Variants in PVALB observed in about 807,000 individuals in gnomAD.
The protein encoded by PVALB is parvalbumin.
In PVALB, 11 loss-of-function variants were observed where a neutral mutation model predicts 10.9. The observed-to-expected ratio is 1.01, with a 90% CI of 0.63 to 1.67. The LOEUF is 1.67. PVALB is among the 40% of genes most tolerant of loss of function. PVALB has a pLI of 0.00. For synonymous variants in PVALB, 57 were observed against 50.7 expected, an observed-to-expected ratio of 1.12 and a Z score of -0.53; for missense variants, 131 against 136.2, an observed-to-expected ratio of 0.96 and a Z score of 0.19.
intron 2 of PVALB, 50 bp from the exon 3 acceptor site, chr22:36,813,805 C>T: frequency 7.1e-7 from 1 of 1,400,762 alleles, no homozygotes; most frequent in Non-Finnish European, 1.0e-6. Flanking sequence ...CCGAGGTCGC[C>T]TTGCAGGACG....
chr22:36,804,995 G>T (rs1438684181), intron 3 of PVALB, among the ~76,000 whole-genome samples: 1 of 152,168 alleles, frequency 6.6e-6, no homozygotes, highest in Non-Finnish European at 1.5e-5. Flanking sequence ...TAAACTCTAG[G>T]TCAGCTGAAT....
At chr22:36,818,400 C>G (rs1939184367), upstream of PVALB, 1 of 152,292 alleles carries the variant, frequency 6.6e-6, no homozygotes, top group Non-Finnish European at 1.5e-5. Context: ...TGGATGGCTG[C>G]CCTTCCTGGA....
chr22:36,810,728 T>C (rs1261842751), intron 3 of PVALB, among the ~76,000 whole-genome samples: 2 of 152,236 alleles, frequency 1.3e-5, no homozygotes, highest in Admixed American at 1.3e-4. Flanking sequence ...ACACATGACA[T>C]GCCCAGCTAA....
intron 3 of PVALB, among the ~76,000 whole-genome samples, chr22:36,810,867 G>A (rs1939034749): frequency 6.6e-6 from 1 of 152,212 alleles, no homozygotes; most frequent in African/African-American, 2.4e-5. Context: ...TACAGCCTGT[G>A]GCTTAGCCTC....
At chr22:36,817,385 C>T (rs1460557338), upstream of PVALB, 3 of 170,264 alleles carry the variant, frequency 1.8e-5, no homozygotes, top group East Asian at 1.6e-4. Flanking sequence ...GGAGGTGCGC[C>T]GTCTCAGATC....
At position 36,811,666 on chromosome 22, in the gene PVALB, C is replaced by T. The variant is rs925897323; in HGVS notation, c.304+1980G>A. 1.2e-5 allele frequency: 5 copies of T among 401,684 alleles called. No individual in the cohort carries two copies. In the Admixed American group the frequency reaches 1.4e-4, roughly 11 times the overall value. The allele number at this position is 401,684 out of a possible 1,614,324, so 24.9% of individuals were successfully genotyped here. A position where few individuals can be genotyped will look rare whatever the true frequency, so the allele number is the denominator to read the frequency against. Reference sequence around the variant, plus strand: ...AGCAGTCAGCCATGAAGACCCAGCCCAGGGCTTCTGAGGTATGGCATATTG... The same window carrying T: ...AGCAGTCAGCCATGAAGACCCAGCCTAGGGCTTCTGAGGTATGGCATATTG... On this transcript the variant is annotated intron_variant, in intron 3 of 3. Transcript: ENST00000417718.
At chr22:36,817,161 G>A, upstream of PVALB, 1 of 621,286 alleles carries the variant, frequency 1.6e-6, no homozygotes, top group Non-Finnish European at 2.5e-6. Flanking sequence ...TGAGCGCAGC[G>A]GGAGCGGCTC....
chr22:36,815,453 C>T, intron 1 of PVALB: 1 of 600,428 alleles, frequency 1.7e-6, no homozygotes, highest in African/African-American at 1.9e-5. Flanking sequence ...TGCTCAAACC[C>T]AGACCTCCCT....
At chr22:36,805,814 T>G (rs1300326384) in intron 3 of PVALB, among the ~76,000 whole-genome samples, 3 of 151,828 alleles carry the variant, frequency 2.0e-5, no homozygotes, top group South Asian at 2.1e-4. Context: ...GGTTGGAGCT[T>G]TGACATAACA....
At chr22:36,802,670 C>T (rs890976831) in intron 3 of PVALB, among the ~76,000 whole-genome samples, 31 of 150,888 alleles carry the variant, frequency 2.1e-4, no homozygotes, top group Non-Finnish European at 4.1e-4. Context: ...TGAAGGGACA[C>T]GTACCTGGGT....
At chr22:36,807,899 T>C (rs4414767) in intron 3 of PVALB, among the ~76,000 whole-genome samples, 1 of 152,180 alleles carries the variant, frequency 6.6e-6, no homozygotes, top group Admixed American at 6.5e-5. Context: ...CCTTCAGGCA[T>C]GCGAGTGAGT....
At chr22:36,817,101 C>CTG, upstream of PVALB, 1 of 1,217,710 alleles carries the variant, frequency 8.2e-7, no homozygotes, top group Non-Finnish European at 1.1e-6. Context: ...CAGTGCTGCG[C>CTG]GCCGGGCGCA....
chr22:36,800,709 G>T lies in PVALB; in HGVS notation c.*181C>A. 3 of 719,148 alleles carry T rather than the reference G, an allele frequency of 4.2e-6. No individual in the cohort carries two copies. The highest frequency in any genetic ancestry group is 7.3e-6 in the Non-Finnish European group (3 of 411,912). The allele number at this position is 719,148 out of a possible 1,614,324, so 44.5% of individuals were successfully genotyped here. On this transcript the variant is annotated 3_prime_UTR_variant, in exon 4 of 4. Transcript: ENST00000417718. ...TTCCTGAGCAAGCAGAGTCTGACTG[G>T]TACAACCTTTATTGCTTCTCCAGCA...
chr22:36,811,345 T>C (rs1017504466), intron 3 of PVALB: 1 of 262,600 alleles, frequency 3.8e-6, no homozygotes, highest in Non-Finnish European at 7.8e-6. Flanking sequence ...GCATTTGTTA[T>C]GTGCTGGGCA....
At chr22:36,805,709 A>G (rs188018418) in intron 3 of PVALB, among the ~76,000 whole-genome samples, 1 of 152,324 alleles carries the variant, frequency 6.6e-6, no homozygotes, top group East Asian at 1.9e-4. Flanking sequence ...TGGCTATTAG[A>G]AAGACCAGAT....
In PVALB at chr22:36,816,956, C is replaced by G; in HGVS notation, c.50G>C (p.Gly17Ala). The change falls in exon 1 of 4, where the codon GGA becomes GCA. Residue 17 changes from glycine to alanine, a missense_variant. By Grantham distance (60) the Gly-to-Ala change is moderately conservative. Coordinates refer to ENST00000417718, the MANE Select transcript of PVALB (RefSeq NM_001315532.2). ...LNAEDIKKAV[G>A]AFSATDSFDH... ...GCGCGCTTGCTCACCGCTAAAGGCT[C>G]CCACCGCCTTCTTGATGTCCTCAGC... The G allele has an allele frequency of 1.2e-6, 2 of 1,608,214 alleles. No homozygotes were observed. Among genetic ancestry groups the G allele is most frequent in the Non-Finnish European group, 1.7e-6 (2 of 1,178,552 alleles).
rs113468236 is a variant in PVALB, at chr22:36,800,920, T to G, written c.305-2A>C. 6.2e-7 allele frequency: 1 copy of G among 1,611,058 alleles called. No homozygotes were observed. Among genetic ancestry groups the G allele is most frequent in the East Asian group, 2.2e-5 (1 of 44,864 alleles). Reference sequence around the variant, plus strand: ...TTTCAGCCACCAGAGTGGAGAATTCTGCAGAACAAAATGACAAGGAAAGTG... The same window carrying G: ...TTTCAGCCACCAGAGTGGAGAATTCGGCAGAACAAAATGACAAGGAAAGTG... On this transcript the variant is annotated splice_acceptor_variant, in intron 3 of 3. Transcript: ENST00000417718. LOFTEE classifies it high-confidence loss of function.
chr22:36,812,439 G>A (rs940607440), intron 3 of PVALB, among the ~76,000 whole-genome samples: 18 of 152,164 alleles, frequency 1.2e-4, no homozygotes, highest in African/African-American at 4.3e-4. Context: ...GTACCCTTGC[G>A]AAGGGACCTA....
Position 36,815,112 on chromosome 22 carries a change from T to C in PVALB, c.185A>G (p.Asp62Gly), listed in dbSNP as rs1939116872. The C allele has an allele frequency of 3.1e-6, 5 of 1,614,154 alleles. No homozygotes were observed. Among genetic ancestry groups the C allele is most frequent in the Non-Finnish European group, 4.2e-6 (5 of 1,180,006 alleles). The change falls in exon 2 of 4, where the codon GAT becomes GGT. Residue 62 changes from aspartate (D) to glycine (G), a missense_variant. Transcript: ENST00000417718. ...DKDKSGFIEE[D>G]ELGFILKGFS... ...GCAGGCCTCCGCTTACCCCAGCTCA[T>C]CCTCCTCGATGAAGCCACTTTTGTC... is the stretch of plus-strand genomic sequence containing the variant.
Sources: allele counts gnomAD v4.1 joint callset (sites outside exome capture counted in the v4.1 genomes callset), GRCh38; gene constraint gnomAD v4.1.1; transcripts MANE v1.5; gene names NCBI Gene and HGNC (gene_info 2026-07-23, HGNC 2026-07-21).